The following PPP1R12B variants were observed in gnomAD, a reference collection of about 807,000 sequenced individuals.
PPP1R12B encodes protein phosphatase 1 regulatory subunit 12B.
PPP1R12B carries 76 observed loss-of-function variants against 126.1 expected under a neutral mutation model. That is an observed-to-expected ratio of 0.60 (90% CI 0.50 to 0.73). The LOEUF is 0.73. PPP1R12B is among the 30% of genes least tolerant of loss of function. The pLI is 0.00. For missense variants in PPP1R12B, 1,052 were observed against 1,205.1 expected (o/e 0.87, Z 1.88); for synonymous variants, 356 against 434.7 (o/e 0.82, Z 2.25).
intron 1 of PPP1R12B, among the ~76,000 whole-genome samples, chr1:202,381,138 A>C (rs1222606989): frequency 2.6e-5 from 4 of 152,146 alleles, no homozygotes; most frequent in African/African-American, 7.2e-5. Flanking sequence ...ATGTGTACAT[A>C]CATACGTACT....
At chr1:202,463,212 TGGTAA>T (rs1182325649) in intron 13 of PPP1R12B, 1 of 344,854 alleles carries the variant, frequency 2.9e-6, no homozygotes, top group East Asian at 1.7e-4. Context: ...AGAAGGCAAG[TGGTAA>T]GAATAAGATA....
At chr1:202,496,944 A>G (rs1572279330) in intron 18 of PPP1R12B, 122 bp downstream of exon 18, 1 of 973,904 alleles carries the variant, frequency 1.0e-6, no homozygotes, top group Non-Finnish European at 1.6e-6. Context: ...TTGGAGATAG[A>G]CATTCCTCTA....
At chr1:202,492,684 C>T (rs1452599509) in intron 14 of PPP1R12B, among the ~76,000 whole-genome samples, 1 of 152,118 alleles carries the variant, frequency 6.6e-6, no homozygotes, top group Non-Finnish European at 1.5e-5. Context: ...GAATTTTCAT[C>T]TTGTTGAGCC....
intron 18 of PPP1R12B, among the ~76,000 whole-genome samples, chr1:202,540,748 A>G (rs1685039068): frequency 1.3e-5 from 2 of 152,208 alleles, no homozygotes; most frequent in Non-Finnish European, 1.5e-5. Flanking sequence ...CCTATTTTGT[A>G]TGTCTGTCTG....
chr1:202,422,490 T>C (rs534421666), intron 2 of PPP1R12B, 130 bp from the exon 3 acceptor site: 1 of 731,438 alleles, frequency 1.4e-6, no homozygotes, highest in East Asian at 2.6e-5. Context: ...AAATTAATAA[T>C]GGAATATCTT....
intron 9 of PPP1R12B, among the ~76,000 whole-genome samples, chr1:202,435,615 A>G (rs550319591): frequency 6.0e-4 from 91 of 152,320 alleles, no homozygotes; most frequent in African/African-American, 2.0e-3. Context: ...CTAGTCAGTG[A>G]GAGTGAGTTG....
intron 23 of PPP1R12B, 77 bp downstream of exon 23, chr1:202,569,274 T>G: frequency 7.1e-7 from 1 of 1,415,574 alleles, no homozygotes; most frequent in Non-Finnish European, 9.9e-7. Context: ...AGCATAGGCC[T>G]GCCCCCTCCA....
intron 9 of PPP1R12B, among the ~76,000 whole-genome samples, chr1:202,437,011 A>G (rs949874637): frequency 2.0e-5 from 3 of 152,196 alleles, no homozygotes; most frequent in Non-Finnish European, 2.9e-5. Flanking sequence ...TCACTGTATC[A>G]TAGTACCTTA....
chr1:202,365,898 G>A (rs1249145904), intron 1 of PPP1R12B, among the ~76,000 whole-genome samples: 1 of 152,126 alleles, frequency 6.6e-6, no homozygotes, highest in Non-Finnish European at 1.5e-5. Flanking sequence ...GCTAAGGCGG[G>A]AGGATTACCT....
intron 18 of PPP1R12B, among the ~76,000 whole-genome samples, chr1:202,509,222 A>AG (rs1681159352): frequency 6.6e-6 from 1 of 152,212 alleles, no homozygotes; most frequent in Non-Finnish European, 1.5e-5. Flanking sequence ...CTTTGTTATC[A>AG]GCAACAGTTT....
chr1:202,540,455 C>G lies in PPP1R12B; in HGVS notation c.2491-18422C>G, dbSNP rs531136376. Among the ~76,000 whole-genome samples the G allele has an allele frequency of 2.0e-5, 3 of 152,318 alleles. No individual in the cohort carries two copies. In the South Asian group the frequency reaches 6.2e-4, roughly 32 times the overall value. ...TAATGTAGTCTTAAGTAAAAGCAGA[C>G]TTAAATATGTCGGGCTACAGTTTCT... On this transcript the variant is annotated intron_variant, in intron 18 of 23. Coordinates refer to ENST00000608999, the MANE Select transcript of PPP1R12B (RefSeq NM_002481.4).
At position 202,588,867 on chromosome 1, in the gene PPP1R12B, A is replaced by C. The variant is rs960093876; in HGVS notation, c.*8307A>C. On this transcript the variant is annotated 3_prime_UTR_variant, in exon 24 of 24. Transcript: ENST00000608999. ...GATAGATAGATAGATAGATAGATAGATAGATATCAAGGTTCCAAGCTTCAA... is the reference window on the plus strand; with the variant it reads ...GATAGATAGATAGATAGATAGATAGCTAGATATCAAGGTTCCAAGCTTCAA... 1.4e-5 allele frequency: 2 copies of C among 143,554 alleles called. No homozygotes were observed. The highest frequency in any genetic ancestry group is 2.0e-4 in the East Asian group (1 of 5,084). 8.9% of individuals were successfully genotyped at this position (143,554 alleles called of 1,614,324 possible).
At chr1:202,359,038 A>G (rs1274768983) in intron 1 of PPP1R12B, among the ~76,000 whole-genome samples, 1 of 152,226 alleles carries the variant, frequency 6.6e-6, no homozygotes, top group Admixed American at 6.5e-5. Context: ...AGAGAATGGT[A>G]TAATGAATTC....
chr1:202,386,418 G>A (rs1408995307), intron 1 of PPP1R12B, among the ~76,000 whole-genome samples: 4 of 151,058 alleles, frequency 2.6e-5, no homozygotes, highest in Admixed American at 2.0e-4. Context: ...TGCAGCCTCC[G>A]CCTTCTGGGT....
chr1:202,359,803 CAAACAA>C (rs1393614191), intron 1 of PPP1R12B, among the ~76,000 whole-genome samples: 7 of 151,904 alleles, frequency 4.6e-5, no homozygotes, highest in Admixed American at 1.3e-4. Flanking sequence ...GACTCTGTCT[CAAACAA>C]AAACAAAAAC....
At chr1:202,439,882 T>C (rs1479152041) in intron 10 of PPP1R12B, 2 of 305,754 alleles carry the variant, frequency 6.5e-6, no homozygotes, top group African/African-American at 4.3e-5. Flanking sequence ...CCTCCTGCCC[T>C]GCTTGCCCCA....
intron 18 of PPP1R12B, among the ~76,000 whole-genome samples, chr1:202,509,747 T>C (rs1226561444): frequency 6.6e-6 from 1 of 152,190 alleles, no homozygotes. Flanking sequence ...CTTAGTCTAC[T>C]GAATATGTGC....
intron 18 of PPP1R12B, among the ~76,000 whole-genome samples, chr1:202,548,776 G>GTCTCTCTCTC (rs1196499777): frequency 8.1e-4 from 80 of 98,856 alleles, no homozygotes; most frequent in African/African-American, 3.0e-3. Flanking sequence ...CTCGCTCGCT[G>GTCTCTCTCTC]TCTCTCTCTC....
intron 18 of PPP1R12B, among the ~76,000 whole-genome samples, chr1:202,523,877 G>A (rs532291467): frequency 6.6e-6 from 1 of 152,206 alleles, no homozygotes; most frequent in Non-Finnish European, 1.5e-5. Context: ...ACCACGCCCA[G>A]CTAATTTTTG....
Sources: allele counts gnomAD v4.1 joint callset (sites outside exome capture counted in the v4.1 genomes callset), GRCh38; gene constraint gnomAD v4.1.1; transcripts MANE v1.5; gene names NCBI Gene and HGNC (gene_info 2026-07-23, HGNC 2026-07-21).